TRPM6: variants seen among roughly 807,000 people sequenced by gnomAD.
TRPM6 encodes the protein transient receptor potential cation channel subfamily M member 6.
TRPM6 carries 111 observed loss-of-function variants against 247.6 expected under a neutral mutation model. The ratio of observed to expected loss-of-function variants is 0.45; its 90% confidence interval spans 0.38 to 0.52. The LOEUF (loss-of-function observed/expected upper bound fraction) is 0.52, where lower values mean the gene tolerates loss of function less well. TRPM6 is among the 20% of genes least tolerant of loss of function. The pLI, the probability that TRPM6 is intolerant of heterozygous loss-of-function variation, is 0.00. For synonymous variants in TRPM6, 892 were observed against 853.8 expected, an observed-to-expected ratio of 1.04 and a Z score of -0.78; for missense variants, 2,126 against 2,421.5, an observed-to-expected ratio of 0.88 and a Z score of 2.56.
chr9:74,810,778 A>G (rs1828701714), intron 13 of TRPM6, 37 bp downstream of exon 13: 2 of 1,597,446 alleles, frequency 1.3e-6, no homozygotes, highest in Non-Finnish European at 1.7e-6. Context: ...CTAAGGCAAT[A>G]CACAAAGACA....
intron 5 of TRPM6, among the ~76,000 whole-genome samples, chr9:74,837,431 T>C (rs909946147): frequency 3.3e-5 from 5 of 152,082 alleles, no homozygotes. Flanking sequence ...TTAGCCTGAT[T>C]GTTTTATGTT....
intron 1 of TRPM6, among the ~76,000 whole-genome samples, chr9:74,879,849 C>A (rs764273026): frequency 7.2e-5 from 11 of 152,066 alleles, no homozygotes; most frequent in Non-Finnish European, 1.2e-4. Flanking sequence ...TTCTGTGAGC[C>A]GCCCCAGCAA....
At chr9:74,730,127 G>A (rs557662875) in intron 37 of TRPM6, among the ~76,000 whole-genome samples, 4 of 152,252 alleles carry the variant, frequency 2.6e-5, no homozygotes, top group Non-Finnish European at 4.4e-5. Context: ...AAAAATACAA[G>A]TAGCTGTTTT....
chr9:74,858,877 C>G (rs967003675), intron 1 of TRPM6, 129 bp from the exon 2 acceptor site: 2 of 691,382 alleles, frequency 2.9e-6, no homozygotes, highest in Non-Finnish European at 4.9e-6. Flanking sequence ...CAACCCCACA[C>G]AGGCTAAGCA....
chr9:74,801,678 G>C (rs1423345055), intron 16 of TRPM6, among the ~76,000 whole-genome samples: 1 of 152,160 alleles, frequency 6.6e-6, no homozygotes, highest in African/African-American at 2.4e-5. Context: ...TTAGTCAACA[G>C]CTGGACTAGA....
intron 36 of TRPM6, among the ~76,000 whole-genome samples, chr9:74,735,487 A>G (rs567252388): frequency 6.6e-6 from 1 of 152,284 alleles, no homozygotes; most frequent in Non-Finnish European, 1.5e-5. Context: ...TTTTTTATGT[A>G]GTAGCAGAAT....
chr9:74,859,616 T>G lies in TRPM6; in HGVS notation c.34-868A>C, dbSNP rs138777306. On this transcript the variant is annotated intron_variant, in intron 1 of 38. Coordinates refer to ENST00000360774, the MANE Select transcript of TRPM6 (RefSeq NM_017662.5). ...GGTGAAACCCCGTCTCTACTAAAAA[T>G]ACAAAAAATTAGCTGGGCATGGTGG... is the stretch of plus-strand genomic sequence containing the variant. 5.4e-3 allele frequency among the ~76,000 whole-genome samples: 823 copies of G among 151,704 alleles called. 14 individuals are homozygous for G. The highest frequency in any genetic ancestry group is 0.019 in the African/African-American group (791 of 41,376).
At chr9:74,881,277 T>C (rs1831355356) in intron 1 of TRPM6, among the ~76,000 whole-genome samples, 1 of 151,704 alleles carries the variant, frequency 6.6e-6, no homozygotes, top group Non-Finnish European at 1.5e-5. Context: ...CAAGCATAAA[T>C]AACTATACTT....
chr9:74,772,107 C>T (rs753950132), intron 24 of TRPM6, among the ~76,000 whole-genome samples: 11 of 152,096 alleles, frequency 7.2e-5, no homozygotes, highest in Non-Finnish European at 1.2e-4. Context: ...CTGGGCAACA[C>T]AGGCAGACCC....
rs1218022717 is a variant in TRPM6 at position 74,816,728 on chromosome 9, C to A, written c.1249G>T (p.Ala417Ser). The A allele has an allele frequency of 6.2e-7, 1 of 1,614,070 alleles. No individual in the cohort carries two copies. The highest frequency in any genetic ancestry group is 8.5e-7 in the Non-Finnish European group (1 of 1,180,048). Residue 417 changes from alanine to serine, a missense_variant, in exon 11 of 39, where the codon GCT becomes TCT. Around this residue, in one of 3 missense-constraint regions of TRPM6, gnomAD observed 1,082 missense variants for 1,307.9 expected, o/e 0.83. Coordinates refer to ENST00000360774, the MANE Select transcript of TRPM6 (RefSeq NM_017662.5). ...TTGGCAATGTCCACCCTGTCCCAAG[C>A]CATTGCCAGATTTAATTGCTCTGAC... The part of the protein sequence containing the change: ...SASEQLNLAM[A>S]WDRVDIAKKH...
chr9:74,836,773 T>C (rs1829737487), intron 5 of TRPM6, among the ~76,000 whole-genome samples: 1 of 152,144 alleles, frequency 6.6e-6, no homozygotes, highest in Non-Finnish European at 1.5e-5. Context: ...TGGCACACAC[T>C]CCAGCCAGGA....
chr9:74,776,782 GA>G (rs1340869481), intron 23 of TRPM6, among the ~76,000 whole-genome samples: 1 of 152,148 alleles, frequency 6.6e-6, no homozygotes, highest in African/African-American at 2.4e-5. Context: ...TATATAATAT[GA>G]TATAAGAGGA....
At chr9:74,781,655 A>T (rs1374545192) in intron 23 of TRPM6, among the ~76,000 whole-genome samples, 4 of 152,074 alleles carry the variant, frequency 2.6e-5, no homozygotes, top group African/African-American at 4.8e-5. Flanking sequence ...AAAGAGAGAA[A>T]ACAGAGAACA....
At chr9:74,850,794 T>C (rs1195258392) in intron 3 of TRPM6, among the ~76,000 whole-genome samples, 3 of 152,072 alleles carry the variant, frequency 2.0e-5, no homozygotes, top group Admixed American at 6.6e-5. Context: ...AGGTTCTTAA[T>C]GTAAAGGGAG....
rs1208581265 is a variant in TRPM6, at chr9:74,746,333, T to C, written c.5083+1556A>G. On this transcript the variant is annotated intron_variant, in intron 31 of 38. Coordinates refer to ENST00000360774, the MANE Select transcript of TRPM6 (RefSeq NM_017662.5). ...TTTACTGATAGATGGGATGTAGGGA[T>C]GTGAAAAAATGGAAGACAAGTATTC... Among the ~76,000 whole-genome samples, 5 of 152,056 alleles carry C rather than the reference T, an allele frequency of 3.3e-5. No homozygotes were observed. The East Asian group carries it at 9.6e-4, about 29-fold the overall frequency.
intron 3 of TRPM6, among the ~76,000 whole-genome samples, chr9:74,851,790 T>A (rs1056799728): frequency 2.0e-5 from 3 of 147,104 alleles, no homozygotes; most frequent in African/African-American, 4.9e-5. Context: ...CATATATATA[T>A]AATATATATA....
chr9:74,770,453 T>C (rs901661017), intron 25 of TRPM6, among the ~76,000 whole-genome samples: 1 of 152,216 alleles, frequency 6.6e-6, no homozygotes, highest in African/African-American at 2.4e-5. Context: ...CACGATGCCA[T>C]GCACCCACAA....
Position 74,727,454 on chromosome 9 carries a change from C to T in TRPM6, c.5935+785G>A, listed in dbSNP as rs1272944598. ...TTTACACCTGTCCCATCCCAGGTTA[C>T]GATGGATGGTGCTCTTTTACTGACT... On this transcript the variant is annotated intron_variant, in intron 38 of 38. Transcript: ENST00000360774. 4.0e-5 allele frequency among the ~76,000 whole-genome samples: 6 copies of T among 151,056 alleles called. No homozygotes were observed. The East Asian group carries it at 9.8e-4, about 25-fold the overall frequency.
chr9:74,878,255 C>T (rs1409733945), intron 1 of TRPM6, among the ~76,000 whole-genome samples: 1 of 152,164 alleles, frequency 6.6e-6, no homozygotes, highest in Non-Finnish European at 1.5e-5. Flanking sequence ...AAGGACACAC[C>T]TGCCTGCCCT....
Sources: allele counts gnomAD v4.1 joint callset (sites outside exome capture counted in the v4.1 genomes callset), GRCh38; gene constraint gnomAD v4.1.1; regional missense constraint gnomAD v4.1.1; transcripts MANE v1.5; gene names NCBI Gene and HGNC (gene_info 2026-07-23, HGNC 2026-07-21).